Variants in DPYSL3 observed in about 807,000 individuals in gnomAD.
DPYSL3 encodes the protein dihydropyrimidinase-related protein 3.
Under a neutral mutation model 66.1 loss-of-function variants are expected in DPYSL3, and 16 were observed. The observed-to-expected ratio is 0.24, with a 90% confidence interval of 0.16 to 0.37. The LOEUF (loss-of-function observed/expected upper bound fraction) is 0.37, where lower values mean the gene tolerates loss of function less well. Ranked by LOEUF, DPYSL3 falls within the 10% of genes least tolerant of loss-of-function variation. The pLI is 1.00. For synonymous variants in DPYSL3, 338 were observed against 345.1 expected (o/e 0.98, Z 0.23); for missense variants, 738 against 916.2 (o/e 0.81, Z 2.51).
chr5:147,491,358 T>C (rs1171564869), intron 1 of DPYSL3, among the ~76,000 whole-genome samples: 1 of 152,164 alleles, frequency 6.6e-6, no homozygotes, highest in Non-Finnish European at 1.5e-5. Flanking sequence ...GAGTTCCTTT[T>C]ACTCAGTACA....
chr5:147,484,909 G>A (rs1753307503), intron 1 of DPYSL3, among the ~76,000 whole-genome samples: 1 of 152,144 alleles, frequency 6.6e-6, no homozygotes, highest in Admixed American at 6.6e-5. Flanking sequence ...GATTGAGATG[G>A]TAAAGAAGTA....
chr5:147,433,497 C>A (rs896463626), intron 1 of DPYSL3, among the ~76,000 whole-genome samples: 7 of 152,252 alleles, frequency 4.6e-5, no homozygotes, highest in African/African-American at 1.7e-4. Context: ...AAGCTACCCC[C>A]AGAACTGTAG....
chr5:147,489,419 G>A (rs959610748), intron 1 of DPYSL3, among the ~76,000 whole-genome samples: 2 of 152,124 alleles, frequency 1.3e-5, no homozygotes, highest in African/African-American at 4.8e-5. Context: ...TCCTGACTTT[G>A]TCCATTTCTA....
chr5:147,445,015 A>G (rs1464904340), intron 1 of DPYSL3, among the ~76,000 whole-genome samples: 2 of 152,126 alleles, frequency 1.3e-5, no homozygotes, highest in Admixed American at 6.5e-5. Context: ...AGAGACCTCA[A>G]TTAAGATCTA....
At chr5:147,438,346 G>A (rs1752451624) in intron 1 of DPYSL3, among the ~76,000 whole-genome samples, 1 of 152,188 alleles carries the variant, frequency 6.6e-6, no homozygotes, top group South Asian at 2.1e-4. Context: ...GACCTTGAAT[G>A]AAACAAACAC....
At position 147,509,543 on chromosome 5, in the gene DPYSL3, CG is replaced by C. The variant is rs1289075406; in HGVS notation, c.315del (p.Ala106ProfsTer3). 2 of 1,534,680 alleles carry C rather than the reference CG, an allele frequency of 1.3e-6. No homozygotes were observed. Among genetic ancestry groups the C allele is most frequent in the Admixed American group, 3.9e-5 (2 of 50,932 alleles). On this transcript the variant is annotated frameshift_variant, in exon 1 of 14. Transcript: ENST00000343218. LOFTEE classifies it high-confidence loss of function. This position sits in a 1 kb window ranked among gnomAD's most constrained non-coding sequence, Gnocchi z 5.3. ...SREPAPASPA[P>X]AGVEIRSATG... ...GTGGCGCTCCGGATCTCTACCCCGG[CG>C]GGGGCGGGGGAGGCGGGCGCGGGCT...
chr5:147,445,580 A>T (rs1315909097), intron 1 of DPYSL3, among the ~76,000 whole-genome samples: 1 of 152,156 alleles, frequency 6.6e-6, no homozygotes, highest in Non-Finnish European at 1.5e-5. Flanking sequence ...AACAAAAACC[A>T]TCCCTATCCT....
intron 1 of DPYSL3, among the ~76,000 whole-genome samples, chr5:147,449,476 G>A (rs1210614581): frequency 1.3e-5 from 2 of 152,174 alleles, no homozygotes; most frequent in Admixed American, 6.5e-5. Flanking sequence ...ATCAGTGGTT[G>A]GAAAAGACCA....
chr5:147,495,691 G>A (rs1346397519), intron 1 of DPYSL3, among the ~76,000 whole-genome samples: 2 of 152,134 alleles, frequency 1.3e-5, no homozygotes, highest in Admixed American at 6.5e-5. Context: ...CAACTTACAA[G>A]GGATGTGAAG....
chr5:147,487,222 C>T (rs368651983), intron 1 of DPYSL3, among the ~76,000 whole-genome samples: 1 of 152,110 alleles, frequency 6.6e-6, no homozygotes, highest in Non-Finnish European at 1.5e-5. Flanking sequence ...CCTCTTCAAC[C>T]TCCCCCTTTC....
At chr5:147,436,282 A>C (rs903276503) in intron 1 of DPYSL3, among the ~76,000 whole-genome samples, 3 of 152,236 alleles carry the variant, frequency 2.0e-5, no homozygotes, top group Non-Finnish European at 4.4e-5. Flanking sequence ...ATAAACTATG[A>C]TATCACCACA....
intron 1 of DPYSL3, among the ~76,000 whole-genome samples, chr5:147,439,047 C>G (rs900479428): frequency 3.9e-5 from 6 of 152,176 alleles, no homozygotes; most frequent in African/African-American, 1.4e-4. Flanking sequence ...CAACTGTTCT[C>G]GCCAAACCAC....
At chr5:147,453,183 C>T (rs992414162) in intron 1 of DPYSL3, among the ~76,000 whole-genome samples, 3 of 152,124 alleles carry the variant, frequency 2.0e-5, no homozygotes, top group African/African-American at 7.2e-5. Flanking sequence ...GATCCTTAGA[C>T]AAAAAGCACA....
intron 8 of DPYSL3, among the ~76,000 whole-genome samples, chr5:147,402,407 G>C (rs1158999768): frequency 7.5e-6 from 1 of 134,154 alleles, no homozygotes; most frequent in Non-Finnish European, 1.5e-5. Flanking sequence ...GAGTGCAGTG[G>C]CGCGATCTCG....
chr5:147,435,667 A>G (rs1752401207), intron 1 of DPYSL3, among the ~76,000 whole-genome samples: 1 of 152,190 alleles, frequency 6.6e-6, no homozygotes, highest in Admixed American at 6.5e-5. Context: ...AAGCTGACAG[A>G]GGCCCATGCT....
At chr5:147,499,986 T>C (rs1205407903) in intron 1 of DPYSL3, among the ~76,000 whole-genome samples, 1 of 152,060 alleles carries the variant, frequency 6.6e-6, no homozygotes, top group African/African-American at 2.4e-5. Context: ...TGGACACCTA[T>C]GTGCAAAAAA....
Position 147,397,713 on chromosome 5 carries a change from T to C in DPYSL3, c.1756A>G (p.Ser586Gly), listed in dbSNP as rs752450859. Reference sequence around the variant, plus strand: ...TTGTAGACATAGTCGGAGAACGGGCTGCAGGGTATGAAGCGGCCAGCCCCC... The same window carrying C: ...TTGTAGACATAGTCGGAGAACGGGCCGCAGGGTATGAAGCGGCCAGCCCCC... ...TQGAGRFIPC[S>G]PFSDYVYKRI... Residue 586 changes from serine (S) to glycine (G), a missense_variant, in exon 12 of 14, where the codon AGC becomes GGC. Ser to Gly is a moderately conservative substitution (Grantham distance 56). Coordinates refer to ENST00000343218, the MANE Select transcript of DPYSL3 (RefSeq NM_001197294.2). 1.2e-6 allele frequency: 2 copies of C among 1,614,188 alleles called. No homozygotes were observed. Among genetic ancestry groups the C allele is most frequent in the East Asian group, 2.2e-5 (1 of 44,872 alleles).
intron 5 of DPYSL3, 78 bp from the exon 6 acceptor site, chr5:147,412,766 A>G: frequency 8.0e-7 from 1 of 1,246,592 alleles, no homozygotes; most frequent in South Asian, 1.3e-5. Flanking sequence ...CCAGAGCCCA[A>G]GCTAAAACAG....
rs1308025835 is a variant in DPYSL3 at position 147,393,954 on chromosome 5, T to C, written c.*81A>G. On this transcript the variant is annotated 3_prime_UTR_variant, in exon 14 of 14. Transcript: ENST00000343218. Reference sequence around the variant, plus strand: ...AGATCACAACCGTTTGGATTCGCTTTCCTTCTTAAATATCGGTGTACCATT... The same window carrying C: ...AGATCACAACCGTTTGGATTCGCTTCCCTTCTTAAATATCGGTGTACCATT... 2 of 1,420,988 alleles carry C rather than the reference T, an allele frequency of 1.4e-6. No homozygotes were observed. The highest frequency in any genetic ancestry group is 3.5e-5 in the Admixed American group (2 of 56,530). 88.0% of individuals were successfully genotyped at this position (1,420,988 alleles called of 1,614,324 possible). A position where few individuals can be genotyped will look rare whatever the true frequency, so the allele number is the denominator to read the frequency against.
Sources: allele counts gnomAD v4.1 joint callset (sites outside exome capture counted in the v4.1 genomes callset), GRCh38; gene constraint gnomAD v4.1.1; non-coding constraint Gnocchi (gnomAD v3.1); transcripts MANE v1.5; gene names NCBI Gene and HGNC (gene_info 2026-07-23, HGNC 2026-07-21).